The following CFAP46 variants were observed in gnomAD, a reference collection of about 807,000 sequenced individuals.
The protein encoded by CFAP46 is cilia and flagella associated protein 46, also known as cilia- and flagella-associated protein 46.
A neutral mutation model predicts 325.7 loss-of-function variants in CFAP46; 245 were observed. That is an observed-to-expected ratio of 0.75 (90% CI 0.68 to 0.84). The LOEUF (loss-of-function observed/expected upper bound fraction) is 0.84. Among genes scored for constraint, CFAP46 ranks in the 40% least tolerant of loss-of-function variants. CFAP46 has a pLI of 0.00. For missense variants in CFAP46, 3,346 were observed against 3,543.0 expected (o/e 0.94, Z 1.41); for synonymous variants, 1,523 against 1,495.9 (o/e 1.02, Z -0.42).
chr10:132,835,147 C>G (rs1027076398), intron 47 of CFAP46, among the ~76,000 whole-genome samples, 157 bp downstream of exon 47: 1 of 152,284 alleles, frequency 6.6e-6, no homozygotes, highest in Non-Finnish European at 1.5e-5. Flanking sequence ...GGAGCTTGGC[C>G]TGGGAGTTGG....
At chr10:132,824,419 G>T (rs1337550685) in intron 50 of CFAP46, among the ~76,000 whole-genome samples, 1 of 135,164 alleles carries the variant, frequency 7.4e-6, no homozygotes, top group Non-Finnish European at 1.6e-5. Flanking sequence ...TGTGTGCTGT[G>T]TGAGTGCTGA....
chr10:132,898,725 C>T (rs754553770), intron 24 of CFAP46: 30 of 630,706 alleles, frequency 4.8e-5, no homozygotes, highest in Middle Eastern at 2.5e-4. Context: ...GAGAGCCCCT[C>T]GGTGCATGTG....
At chr10:132,941,900 C>T (rs1023595340) in intron 2 of CFAP46, 80 bp downstream of exon 2, 24 of 1,530,402 alleles carry the variant, frequency 1.6e-5, no homozygotes, top group South Asian at 2.5e-5. Flanking sequence ...CCCAGCCCCA[C>T]TCTGCATCCG....
intron 7 of CFAP46, among the ~76,000 whole-genome samples, chr10:132,935,565 C>A (rs1369474381): frequency 5.1e-5 from 7 of 136,180 alleles, no homozygotes; most frequent in Non-Finnish European, 1.1e-4. Flanking sequence ...ACACTGCGAT[C>A]TTCTCATTCC....
At chr10:132,928,711 C>T (rs1849847024) in intron 9 of CFAP46, among the ~76,000 whole-genome samples, 2 of 152,166 alleles carry the variant, frequency 1.3e-5, no homozygotes, top group African/African-American at 2.4e-5. Flanking sequence ...TCCGAGGGTC[C>T]CCCTTCTTCA....
At chr10:132,942,156 G>T in intron 1 of CFAP46, 52 bp from the exon 2 acceptor site, 1 of 1,546,148 alleles carries the variant, frequency 6.5e-7, no homozygotes, top group South Asian at 1.2e-5. Context: ...TGGGAGAAGT[G>T]AGCCGGGCAA....
Position 132,924,853 on chromosome 10 carries a change from C to G in CFAP46, c.1099G>C (p.Ala367Pro). 1 of 1,427,432 alleles carries G rather than the reference C, an allele frequency of 7.0e-7. No homozygotes were observed. The highest frequency in any genetic ancestry group is 9.2e-7 in the Non-Finnish European group (1 of 1,083,296). The allele number at this position is 1,427,432 out of a possible 1,614,324, so 88.4% of individuals were successfully genotyped here. Residue 367 changes from alanine to proline, a missense_variant, in exon 11 of 58, where the codon GCG becomes CCG. Physicochemically the swap from Ala to Pro is conservative, Grantham distance 27. Coordinates refer to ENST00000368586, the MANE Select transcript of CFAP46 (RefSeq NM_001200049.3). ...QLDIIQRLDV[A>P]LQRAVRLGDP... is the part of the protein sequence containing the mutation. ...CCCAGGCGCACGGCTCGCTGCAGCG[C>G]GACGTCTAGCCTCTGTATGATATCC...
chr10:132,834,027 C>G lies in CFAP46; in HGVS notation c.6949+14G>C, dbSNP rs1433647501. The G allele has an allele frequency of 6.2e-7, 1 of 1,612,550 alleles. No homozygotes were observed. Among genetic ancestry groups the G allele is most frequent in the South Asian group, 1.1e-5 (1 of 91,014 alleles). On this transcript the variant is annotated intron_variant, in intron 49 of 57. Transcript: ENST00000368586. ...GAGCTCCCCAGGCTGAGTGGCCACG[C>G]CCGCCCCACTCACTGTGTTGTCCTG...
chr10:132,809,316 G>A (rs916638615), intron 57 of CFAP46, among the ~76,000 whole-genome samples: 1 of 152,224 alleles, frequency 6.6e-6, no homozygotes, highest in African/African-American at 2.4e-5. Context: ...TCGCTGAGCA[G>A]CAGCAGCGGG....
intron 50 of CFAP46, among the ~76,000 whole-genome samples, chr10:132,821,285 G>C (rs1304026093): frequency 2.8e-5 from 4 of 141,052 alleles, no homozygotes; most frequent in Non-Finnish European, 6.1e-5. Flanking sequence ...TGTGAGTGCT[G>C]ATGTGTGCTG....
chr10:132,914,000 G>C (rs545090462), intron 17 of CFAP46, among the ~76,000 whole-genome samples: 6 of 152,242 alleles, frequency 3.9e-5, no homozygotes, highest in Admixed American at 3.9e-4. Context: ...TGGGACCCCC[G>C]CTCACCCCTG....
rs774467674 is a variant in CFAP46, at chr10:132,941,012, C to A, written c.355G>T (p.Ala119Ser). The change falls in exon 4 of 58, where the codon GCC becomes TCC. Residue 119 changes from alanine to serine, a missense_variant. By Grantham distance (99) the Ala-to-Ser change is moderately conservative. Transcript: ENST00000368586. ...VTEYMKAINFAKGEPRYYFLV... is the reference protein window; with the variant it reads ...VTEYMKAINFSKGEPRYYFLV... ...TTTGCCTACCTCGGTTCTCCTTTGG[C>A]AAAGTTTATGGCCTTCATGTACTCA... 6.2e-7 allele frequency: 1 copy of A among 1,614,190 alleles called. No individual in the cohort carries two copies. Among genetic ancestry groups the A allele is most frequent in the Non-Finnish European group, 8.5e-7 (1 of 1,180,028 alleles).
rs1321977684 is a variant in CFAP46 at position 132,814,931 on chromosome 10, A to C, written c.7118-17T>G. On this transcript the variant is annotated splice_polypyrimidine_tract_variant and intron_variant, in intron 50 of 57. Transcript: ENST00000368586. ...CGCCACCTTCTGTTGAAGACAAGAA[A>C]GAGGCAGGGATGTTTGGCAGCAGCT... The C allele has an allele frequency of 6.2e-7, 1 of 1,613,790 alleles. No individual in the cohort carries two copies. The highest frequency in any genetic ancestry group is 1.3e-5 in the African/African-American group (1 of 75,032).
At chr10:132,841,257 C>T (rs1321069791) in intron 44 of CFAP46, among the ~76,000 whole-genome samples, 1 of 152,220 alleles carries the variant, frequency 6.6e-6, no homozygotes, top group Non-Finnish European at 1.5e-5. Context: ...GCGGTGGGAC[C>T]GGCTGAGACA....
chr10:132,906,400 C>G (rs990410434), intron 22 of CFAP46, among the ~76,000 whole-genome samples: 11 of 152,282 alleles, frequency 7.2e-5, no homozygotes, highest in Non-Finnish European at 1.0e-4. Context: ...ATTTCCTGCT[C>G]TAGAGCCTGG....
chr10:132,818,857 A>G (rs998654896), intron 50 of CFAP46, among the ~76,000 whole-genome samples: 10 of 141,884 alleles, frequency 7.0e-5, no homozygotes, highest in African/African-American at 2.7e-5. Context: ...CCATCTCCAG[A>G]AAAAAAAAAA....
At chr10:132,912,503 C>G (rs1286239191) in intron 19 of CFAP46, among the ~76,000 whole-genome samples, 152 bp downstream of exon 19, 3 of 135,392 alleles carry the variant, frequency 2.2e-5, no homozygotes, top group Non-Finnish European at 4.8e-5. Flanking sequence ...TTTCACCTCT[C>G]TCTCCTCTCC....
At chr10:132,920,246 C>A in intron 13 of CFAP46, 64 bp from the exon 14 acceptor site, 1 of 1,462,168 alleles carries the variant, frequency 6.8e-7, no homozygotes, top group Non-Finnish European at 9.0e-7. Context: ...ACGTGCCCAT[C>A]AGTAACCAAT....
Position 132,879,378 on chromosome 10 carries a change from C to T in CFAP46, c.4005+48G>A, listed in dbSNP as rs545418124. ...ACTGCGGTTTCCCCAGCCCGCGGCC[C>T]GTCCCGGGAGGTGCTGCAGGAGCAG... is the stretch of plus-strand genomic sequence containing the variant. On this transcript the variant is annotated intron_variant, in intron 29 of 57. Transcript: ENST00000368586. 8.0e-4 allele frequency: 1,155 copies of T among 1,437,412 alleles called. 4 individuals are homozygous for T. Among genetic ancestry groups the T allele is most frequent in the Non-Finnish European group, 1.0e-3 (1,122 of 1,092,300 alleles). 89.0% of individuals were successfully genotyped at this position (1,437,412 alleles called of 1,614,324 possible).
Sources: gnomAD v4.1 joint callset for allele counts (sites outside exome capture counted in the v4.1 genomes callset) on GRCh38, gnomAD v4.1.1 for gene constraint, MANE v1.5 for transcripts, NCBI Gene and HGNC (gene_info 2026-07-23, HGNC 2026-07-21) for gene names.